FRMD4A: variants seen among roughly 807,000 people sequenced by gnomAD.
The protein encoded by FRMD4A is FERM domain-containing protein 4A.
In FRMD4A, 29 loss-of-function variants were observed where a neutral mutation model predicts 129.1. That is an observed-to-expected ratio of 0.22 (90% CI 0.17 to 0.31). FRMD4A has a LOEUF of 0.31. FRMD4A is among the 10% of genes least tolerant of loss of function. The pLI, the probability that FRMD4A is intolerant of heterozygous loss-of-function variation, is 1.00. For synonymous variants in FRMD4A, 634 were observed against 571.6 expected (o/e 1.11, Z -1.56); for missense variants, 1,272 against 1,375.8 (o/e 0.92, Z 1.19).
chr10:13,894,774 G>C (rs2094739106), intron 2 of FRMD4A, among the ~76,000 whole-genome samples: 2 of 152,154 alleles, frequency 1.3e-5, no homozygotes, highest in South Asian at 2.1e-4. Context: ...TTTCCCCCAG[G>C]TACTTAATAT....
intron 2 of FRMD4A, among the ~76,000 whole-genome samples, chr10:14,139,687 C>T (rs1436558828): frequency 1.3e-5 from 2 of 152,206 alleles, no homozygotes; most frequent in East Asian, 1.9e-4. Context: ...TGGGCTCAAG[C>T]AATCCTCCCA....
At chr10:14,299,014 A>G (rs1336968705) in intron 2 of FRMD4A, among the ~76,000 whole-genome samples, 1 of 152,192 alleles carries the variant, frequency 6.6e-6, no homozygotes, top group African/African-American at 2.4e-5. Context: ...AAAGTTTCCC[A>G]TTTCCCTGGG....
intron 15 of FRMD4A, among the ~76,000 whole-genome samples, chr10:13,691,727 C>T (rs2085712513): frequency 6.6e-6 from 1 of 152,186 alleles, no homozygotes; most frequent in South Asian, 2.1e-4. Flanking sequence ...CTGAAGTCAG[C>T]CAGATTCCCT....
At chr10:13,685,519 G>A (rs2084989114) in intron 15 of FRMD4A, 1 of 985,232 alleles carries the variant, frequency 1.0e-6, no homozygotes. Context: ...AAGCTTGTTA[G>A]GCTATTGCAA....
rs371599235 is a variant in FRMD4A at position 13,673,588 on chromosome 10, G to GCA, written c.1251+1321_1251+1322dup. ...CACACATGTGCATGCGTGCGCGCGC[G>GCA]CACACACACACACACACAGAGTCAT... On this transcript the variant is annotated intron_variant, in intron 16 of 24. Transcript: ENST00000357447. Among the ~76,000 whole-genome samples the GCA allele has an allele frequency of 1.1e-3, 167 of 147,762 alleles. 1 individual carries two copies. The South Asian group carries it at 0.018, about 16-fold the overall frequency.
chr10:14,317,075 C>T (rs1397736937), intron 2 of FRMD4A, among the ~76,000 whole-genome samples: 1 of 152,114 alleles, frequency 6.6e-6, no homozygotes, highest in African/African-American at 2.4e-5. Context: ...GCCTCAGATT[C>T]ACCTCTTCTT....
intron 1 of FRMD4A, 48 bp from the exon 2 acceptor site, chr10:14,330,231 A>G (rs1843462542): frequency 3.5e-6 from 3 of 847,022 alleles, no homozygotes; most frequent in South Asian, 1.5e-5. Flanking sequence ...AAAAGGCTCA[A>G]GGGGAAGATA....
intron 2 of FRMD4A, among the ~76,000 whole-genome samples, chr10:14,278,516 G>A (rs1010732139): frequency 6.6e-6 from 1 of 152,064 alleles, no homozygotes; most frequent in African/African-American, 2.4e-5. Context: ...TCCTTTCAGC[G>A]ACTCCTCCAA....
At chr10:13,798,826 C>T (rs755808586) in intron 4 of FRMD4A, among the ~76,000 whole-genome samples, 2 of 152,246 alleles carry the variant, frequency 1.3e-5, no homozygotes, top group Non-Finnish European at 2.9e-5. Flanking sequence ...GATCAGGAAA[C>T]AGAAGGCCTG....
intron 12 of FRMD4A, among the ~76,000 whole-genome samples, chr10:13,735,614 T>G (rs1265371841): frequency 6.6e-6 from 1 of 152,206 alleles, no homozygotes; most frequent in Non-Finnish European, 1.5e-5. Context: ...TTAAACATAT[T>G]AATAAATTGA....
chr10:14,202,749 A>G (rs1204829045), intron 2 of FRMD4A, among the ~76,000 whole-genome samples: 1 of 151,692 alleles, frequency 6.6e-6, no homozygotes, highest in Non-Finnish European at 1.5e-5. Flanking sequence ...ACATAACTGG[A>G]TGTTCTCTCT....
At chr10:14,158,515 G>A (rs180863437) in intron 2 of FRMD4A, among the ~76,000 whole-genome samples, 143 of 152,194 alleles carry the variant, frequency 9.4e-4, no homozygotes, top group African/African-American at 3.2e-3. Context: ...CGAGAGCTGA[G>A]GCAGGAGGAT....
chr10:13,885,129 A>T (rs945147328), intron 2 of FRMD4A, among the ~76,000 whole-genome samples: 9 of 152,212 alleles, frequency 5.9e-5, no homozygotes, highest in African/African-American at 2.2e-4. Flanking sequence ...TCATGCCTGT[A>T]ATCCCAGGGC....
intron 2 of FRMD4A, among the ~76,000 whole-genome samples, chr10:14,206,782 C>T (rs756191452): frequency 2.9e-5 from 3 of 105,182 alleles, no homozygotes; most frequent in African/African-American, 3.8e-5. Flanking sequence ...ACTCCAGCAG[C>T]CTGGATGACA....
At chr10:14,175,131 C>T (rs1367139693) in intron 2 of FRMD4A, among the ~76,000 whole-genome samples, 2 of 152,202 alleles carry the variant, frequency 1.3e-5, no homozygotes, top group African/African-American at 4.8e-5. Context: ...AACATCTCTA[C>T]TTCAACTGGT....
intron 11 of FRMD4A, among the ~76,000 whole-genome samples, chr10:13,739,450 A>T (rs2090856465): frequency 6.6e-6 from 1 of 152,216 alleles, no homozygotes; most frequent in African/African-American, 2.4e-5. Flanking sequence ...CAGCTGGGCC[A>T]GGTTTCCTGG....
chr10:13,779,646 T>C (rs2092687621), intron 6 of FRMD4A, among the ~76,000 whole-genome samples: 1 of 152,228 alleles, frequency 6.6e-6, no homozygotes. Flanking sequence ...GGTGTATACC[T>C]CAAACTCTTC....
At chr10:14,008,190 G>GTGTGTGTGTGTGTC in intron 2 of FRMD4A, 1 of 1,206,946 alleles carries the variant, frequency 8.3e-7, no homozygotes, top group Non-Finnish European at 1.1e-6. Context: ...GTGTGTGTGT[G>GTGTGTGTGTGTGTC]TGTGTGTGTG....
intron 3 of FRMD4A, among the ~76,000 whole-genome samples, chr10:13,847,650 G>T (rs73587511): frequency 0.027 from 4,165 of 152,244 alleles, 201 homozygotes; most frequent in African/African-American, 0.094. Flanking sequence ...GGGTCCAGCG[G>T]GTGGGATGTG....
Sources: gnomAD v4.1 joint callset for allele counts (sites outside exome capture counted in the v4.1 genomes callset) on GRCh38, gnomAD v4.1.1 for gene constraint, MANE v1.5 for transcripts, NCBI Gene and HGNC (gene_info 2026-07-23, HGNC 2026-07-21) for gene names.